Variants in SMCHD1 observed in about 807,000 individuals in gnomAD.
SMCHD1 encodes structural maintenance of chromosomes flexible hinge domain-containing protein 1.
SMCHD1 carries 78 observed loss-of-function variants against 254.7 expected under a neutral mutation model. The ratio of observed to expected loss-of-function variants is 0.31; its 90% CI spans 0.26 to 0.37. The LOEUF (loss-of-function observed/expected upper bound fraction) is 0.37, where lower values mean the gene tolerates loss of function less well. SMCHD1 is among the 10% of genes least tolerant of loss of function. The probability of loss-of-function intolerance (pLI) is 1.00; values close to 1 mark genes in which losing one functional copy is unlikely to be tolerated. For synonymous variants in SMCHD1, 766 were observed against 794.9 expected (o/e 0.96, Z 0.61); for missense variants, 1,840 against 2,408.1 (o/e 0.76, Z 4.94).
chr18:2,656,328 A>G (rs539190209), intron 1 of SMCHD1, 67 bp downstream of exon 1: 207 of 1,328,756 alleles, frequency 1.6e-4, no homozygotes, highest in East Asian at 7.9e-4. Flanking sequence ...GAGAAACTCA[A>G]CTTGCTCACT....
In SMCHD1 at chr18:2,795,945, A is replaced by G. The variant is rs1016280978; in HGVS notation, c.5720-4A>G. ...TTAATCAAATGCATTTGGTTTCTTT[A>G]CAGATCTTCTTCAGCAGTATCGTTC... is the stretch of plus-strand genomic sequence containing the variant. On this transcript the variant is annotated splice_region_variant and splice_polypyrimidine_tract_variant and intron_variant, in intron 45 of 47. Transcript: ENST00000320876. 1.3e-6 allele frequency: 2 copies of G among 1,574,038 alleles called. No individual in the cohort carries two copies. The highest frequency in any genetic ancestry group is 1.9e-5 in the Admixed American group (1 of 52,282).
At chr18:2,744,614 G>A (rs965273687) in intron 29 of SMCHD1, among the ~76,000 whole-genome samples, 7 of 151,978 alleles carry the variant, frequency 4.6e-5, no homozygotes, top group African/African-American at 1.7e-4. Context: ...TAGCAGTTTT[G>A]AAGAATCATC....
intron 5 of SMCHD1, among the ~76,000 whole-genome samples, chr18:2,680,972 T>A (rs756220063): frequency 1.9e-4 from 29 of 152,158 alleles, no homozygotes; most frequent in Admixed American, 2.6e-4. Flanking sequence ...CTTGTTAAGA[T>A]ATAGGACAAT....
At chr18:2,679,845 A>G (rs1279236026) in intron 5 of SMCHD1, among the ~76,000 whole-genome samples, 4 of 152,068 alleles carry the variant, frequency 2.6e-5, no homozygotes, top group Non-Finnish European at 5.9e-5. Context: ...CCTCTTATCC[A>G]TATACTTGAT....
At position 2,784,449 on chromosome 18, in the gene SMCHD1, G is replaced by C; in HGVS notation, c.5548-1G>C. The C allele has an allele frequency of 6.2e-7, 1 of 1,603,648 alleles. No individual in the cohort carries two copies. The highest frequency in any genetic ancestry group is 8.5e-7 in the Non-Finnish European group (1 of 1,175,784). Reference sequence around the variant, plus strand: ...ACTTACTATTCACTTATTTACAATAGGTTGTTAAAATTACACACTGTCCTA... The same window carrying C: ...ACTTACTATTCACTTATTTACAATACGTTGTTAAAATTACACACTGTCCTA... On this transcript the variant is annotated splice_acceptor_variant, in intron 44 of 47. Coordinates refer to ENST00000320876, the MANE Select transcript of SMCHD1 (RefSeq NM_015295.3). LOFTEE classifies it high-confidence loss of function.
At chr18:2,782,363 G>T (rs2076169541) in intron 44 of SMCHD1, among the ~76,000 whole-genome samples, 1 of 152,150 alleles carries the variant, frequency 6.6e-6, no homozygotes. Context: ...GAGCCAAACT[G>T]TCTGTCCTTC....
intron 34 of SMCHD1, among the ~76,000 whole-genome samples, chr18:2,758,700 A>T (rs1002646523): frequency 6.6e-6 from 1 of 152,000 alleles, no homozygotes; most frequent in African/African-American, 2.4e-5. Context: ...CAATTTCTTA[A>T]CCACCATCCT....
At chr18:2,709,090 G>C (rs1175868805) in intron 17 of SMCHD1, among the ~76,000 whole-genome samples, 1 of 148,950 alleles carries the variant, frequency 6.7e-6, no homozygotes, top group African/African-American at 2.5e-5. Flanking sequence ...CTCTGAATTT[G>C]ACTATTTTAG....
chr18:2,659,324 G>A (rs1411919917), intron 1 of SMCHD1, among the ~76,000 whole-genome samples: 2 of 152,128 alleles, frequency 1.3e-5, no homozygotes, highest in Non-Finnish European at 2.9e-5. Flanking sequence ...TGCCATGTTG[G>A]CCAGGCTGAT....
chr18:2,695,976 T>C (rs554412970), intron 8 of SMCHD1, among the ~76,000 whole-genome samples: 2 of 152,356 alleles, frequency 1.3e-5, no homozygotes, highest in East Asian at 3.9e-4. Flanking sequence ...AGGAACTCAG[T>C]GTACATTAAC....
chr18:2,721,482 T>G (rs1456348339), intron 19 of SMCHD1, among the ~76,000 whole-genome samples: 1 of 152,190 alleles, frequency 6.6e-6, no homozygotes, highest in Non-Finnish European at 1.5e-5. Flanking sequence ...TGCTGTAGTT[T>G]AAGCAGTTTC....
chr18:2,658,757 G>A (rs493913), intron 1 of SMCHD1, among the ~76,000 whole-genome samples: 18,653 of 151,916 alleles, frequency 0.12, 3,251 homozygotes, highest in African/African-American at 0.39. Context: ...TGGTCAACAA[G>A]CAGTGAAACT....
chr18:2,778,622 A>T (rs1472457883), intron 44 of SMCHD1, among the ~76,000 whole-genome samples: 1 of 152,038 alleles, frequency 6.6e-6, no homozygotes, highest in East Asian at 1.9e-4. Context: ...ATAGAAATTT[A>T]TTGTATCACA....
chr18:2,726,393 TA>T (rs1027152587), intron 21 of SMCHD1, 58 bp from the exon 22 acceptor site: 2 of 885,802 alleles, frequency 2.3e-6, no homozygotes, highest in African/African-American at 1.8e-5. Flanking sequence ...ATTGATGTGA[TA>T]AACTACTTAA....
intron 34 of SMCHD1, among the ~76,000 whole-genome samples, chr18:2,758,319 A>G (rs1011383006): frequency 4.0e-5 from 6 of 151,772 alleles, no homozygotes; most frequent in African/African-American, 1.5e-4. Flanking sequence ...TTCCTTGGAG[A>G]TTTGTAACGT....
At chr18:2,726,566 CT>C in intron 22 of SMCHD1, 42 bp downstream of exon 22, 1 of 1,016,514 alleles carries the variant, frequency 9.8e-7, no homozygotes. Context: ...AAATAATTTT[CT>C]TATGTTAAAG....
intron 40 of SMCHD1, among the ~76,000 whole-genome samples, 166 bp from the exon 41 acceptor site, chr18:2,772,080 TTTTC>T (rs1043329622): frequency 7.9e-5 from 12 of 152,122 alleles, no homozygotes; most frequent in Non-Finnish European, 1.3e-4. Context: ...TAAAATTGTG[TTTTC>T]TTTGTGTGTG....
At chr18:2,662,307 C>G (rs1220834611) in intron 1 of SMCHD1, among the ~76,000 whole-genome samples, 1 of 151,542 alleles carries the variant, frequency 6.6e-6, no homozygotes, top group Non-Finnish European at 1.5e-5. Flanking sequence ...ATCATTTGCA[C>G]ATAGTTTTTC....
chr18:2,744,031 CAACT>C, intron 29 of SMCHD1, 103 bp downstream of exon 29: 4 of 1,018,574 alleles, frequency 3.9e-6, no homozygotes, highest in Non-Finnish European at 5.5e-6. Flanking sequence ...GCTGAAGTAA[CAACT>C]AACAGTTGTT....
Sources: gnomAD v4.1 joint callset for allele counts (sites outside exome capture counted in the v4.1 genomes callset) on GRCh38, gnomAD v4.1.1 for gene constraint, MANE v1.5 for transcripts, NCBI Gene and HGNC (gene_info 2026-07-23, HGNC 2026-07-21) for gene names.